Variants in RNGTT observed in about 807,000 individuals in gnomAD.
The protein encoded by RNGTT is RNA guanylyltransferase and 5'-phosphatase.
RNGTT carries 33 observed loss-of-function variants against 79.3 expected under a neutral mutation model. The ratio of observed to expected loss-of-function variants is 0.42; its 90% confidence interval spans 0.32 to 0.56. The LOEUF (loss-of-function observed/expected upper bound fraction) is 0.56. Ranked by LOEUF, RNGTT falls within the 20% of genes least tolerant of loss-of-function variation. The probability of loss-of-function intolerance (pLI) is 0.17; values close to 1 mark genes in which losing one functional copy is unlikely to be tolerated. For missense variants in RNGTT, 497 were observed against 739.1 expected (o/e 0.67, Z 3.80); for synonymous variants, 222 against 235.9 (o/e 0.94, Z 0.54).
intron 13 of RNGTT, among the ~76,000 whole-genome samples, chr6:88,728,561 G>A (rs1776999685): frequency 6.6e-6 from 1 of 152,170 alleles, no homozygotes; most frequent in African/African-American, 2.4e-5. Context: ...TCCCCCAACT[G>A]TAAGCTAAAC....
intron 4 of RNGTT, among the ~76,000 whole-genome samples, chr6:88,917,003 T>C (rs1003767633): frequency 6.6e-5 from 10 of 152,244 alleles, no homozygotes; most frequent in Admixed American, 5.2e-4. Flanking sequence ...TTATAAGCCC[T>C]GGCCTTGGGA....
intron 13 of RNGTT, among the ~76,000 whole-genome samples, chr6:88,685,061 T>G (rs141930007): frequency 1.1e-4 from 17 of 152,286 alleles, no homozygotes; most frequent in Admixed American, 1.1e-3. Flanking sequence ...ACATACTATA[T>G]GATTCTAGCT....
intron 1 of RNGTT, among the ~76,000 whole-genome samples, chr6:88,942,374 T>C (rs911528779): frequency 1.3e-5 from 2 of 152,044 alleles, no homozygotes; most frequent in African/African-American, 4.8e-5. Context: ...CTGATATATG[T>C]ATGCGTATTA....
intron 14 of RNGTT, among the ~76,000 whole-genome samples, chr6:88,636,722 TTAAGACA>T (rs1773113281): frequency 1.3e-5 from 2 of 151,840 alleles, no homozygotes; most frequent in South Asian, 4.1e-4. Flanking sequence ...CTTTTTTTTT[TTAAGACA>T]AAGACAAGAA....
At chr6:88,927,019 T>G (rs997009635) in intron 4 of RNGTT, among the ~76,000 whole-genome samples, 1 of 151,942 alleles carries the variant, frequency 6.6e-6, no homozygotes, top group African/African-American at 2.4e-5. Context: ...CCGTTAATTA[T>G]CTAAATAAGG....
At chr6:88,930,040 G>A (rs114415061) in intron 2 of RNGTT, among the ~76,000 whole-genome samples, 2,812 of 144,658 alleles carry the variant, frequency 0.019, 80 homozygotes, top group African/African-American at 0.068. Context: ...GCATATATAT[G>A]CATATATACA....
intron 9 of RNGTT, 92 bp downstream of exon 9, chr6:88,853,537 G>A (rs530134367): frequency 5.7e-4 from 472 of 828,536 alleles, no homozygotes; most frequent in Non-Finnish European, 8.1e-4. Flanking sequence ...GATTTCATTC[G>A]AAATTTCTTA....
intron 11 of RNGTT, among the ~76,000 whole-genome samples, chr6:88,841,872 T>A (rs1781305072): frequency 1.3e-5 from 2 of 152,206 alleles, no homozygotes; most frequent in Non-Finnish European, 2.9e-5. Flanking sequence ...GAATGCCAAA[T>A]GTGCCCCCTT....
intron 11 of RNGTT, among the ~76,000 whole-genome samples, chr6:88,817,133 C>T (rs912206268): frequency 1.3e-5 from 2 of 152,046 alleles, no homozygotes; most frequent in African/African-American, 2.4e-5. Context: ...TCTGGTCTAG[C>T]GTATGTAAAA....
At position 88,891,973 on chromosome 6, in the gene RNGTT, T is replaced by C. The variant is rs1582590595; in HGVS notation, c.685-58A>G. 4 of 1,171,420 alleles carry C rather than the reference T, an allele frequency of 3.4e-6. No individual in the cohort carries two copies. In the East Asian group the frequency reaches 1.1e-4, roughly 31 times the overall value. The allele number at this position is 1,171,420 out of a possible 1,614,324, so 72.6% of individuals were successfully genotyped here. On this transcript the variant is annotated intron_variant, in intron 6 of 15. Coordinates refer to ENST00000369485, the MANE Select transcript of RNGTT (RefSeq NM_003800.5). ...GAAAAATATTTTATTAGAGTTCAAA[T>C]TCATTTACAAAGAAGAGACTGAGAG...
chr6:88,637,445 C>T (rs1773140334), intron 14 of RNGTT, among the ~76,000 whole-genome samples: 1 of 151,846 alleles, frequency 6.6e-6, no homozygotes. Context: ...GAACTAAAAC[C>T]AAAGTAAAAC....
At chr6:88,902,974 G>A (rs779090940) in intron 6 of RNGTT, among the ~76,000 whole-genome samples, 1 of 151,966 alleles carries the variant, frequency 6.6e-6, no homozygotes, top group African/African-American at 2.4e-5. Flanking sequence ...GATTACAGGC[G>A]TGAGCCACCG....
intron 12 of RNGTT, among the ~76,000 whole-genome samples, chr6:88,781,914 A>T (rs1330389943): frequency 1.3e-5 from 2 of 152,014 alleles, no homozygotes; most frequent in East Asian, 3.8e-4. Flanking sequence ...GGCTATTGTG[A>T]TCAACCTAAC....
intron 12 of RNGTT, among the ~76,000 whole-genome samples, chr6:88,776,398 C>T (rs1778883472): frequency 6.6e-6 from 1 of 151,704 alleles, no homozygotes; most frequent in Admixed American, 6.6e-5. Context: ...CAGCTCACCG[C>T]AACCTCCGCC....
intron 2 of RNGTT, among the ~76,000 whole-genome samples, chr6:88,938,096 C>T (rs932270186): frequency 6.6e-6 from 1 of 152,130 alleles, no homozygotes; most frequent in Non-Finnish European, 1.5e-5. Context: ...AATTTTCTGT[C>T]TTGACAATCT....
intron 4 of RNGTT, among the ~76,000 whole-genome samples, chr6:88,913,378 G>A (rs1241290768): frequency 5.3e-5 from 8 of 151,822 alleles, no homozygotes; most frequent in Admixed American, 5.3e-4. Context: ...AACATATTGT[G>A]ATACCAAAAT....
chr6:88,744,782 A>G (rs1283515529), intron 13 of RNGTT, among the ~76,000 whole-genome samples: 2 of 152,182 alleles, frequency 1.3e-5, no homozygotes, highest in African/African-American at 4.8e-5. Flanking sequence ...GTAGCTTAAA[A>G]TCTCAGGATT....
At chr6:88,881,956 G>A (rs1359585894) in intron 8 of RNGTT, among the ~76,000 whole-genome samples, 1 of 152,092 alleles carries the variant, frequency 6.6e-6, no homozygotes, top group Admixed American at 6.6e-5. Context: ...TTTCTTTGGA[G>A]ACATTTTTAC....
chr6:88,866,156 C>G (rs1238328585), intron 8 of RNGTT, among the ~76,000 whole-genome samples: 2 of 152,152 alleles, frequency 1.3e-5, no homozygotes, highest in Non-Finnish European at 2.9e-5. Flanking sequence ...TTGCTAAGGG[C>G]AACATGCATC....
Sources: gnomAD v4.1 joint callset for allele counts (sites outside exome capture counted in the v4.1 genomes callset) on GRCh38, gnomAD v4.1.1 for gene constraint, MANE v1.5 for transcripts, NCBI Gene and HGNC (gene_info 2026-07-23, HGNC 2026-07-21) for gene names.